IL1RAPL2: variants seen among roughly 807,000 people sequenced by gnomAD.
The protein encoded by IL1RAPL2 is interleukin 1 receptor accessory protein like 2, also known as X-linked interleukin-1 receptor accessory protein-like 2.
Under a neutral mutation model 44.1 loss-of-function variants are expected in IL1RAPL2, and 3 were observed. That is an observed-to-expected ratio of 0.07 (90% CI 0.03 to 0.18). IL1RAPL2 has a LOEUF of 0.18. Ranked by LOEUF, IL1RAPL2 falls within the 10% of genes least tolerant of loss-of-function variation. IL1RAPL2 has a pLI of 1.00. For synonymous variants in IL1RAPL2, 181 were observed against 178.8 expected (o/e 1.01, Z -0.10); for missense variants, 391 against 496.4 (o/e 0.79, Z 2.02).
chrX:104,960,500 G>A (rs1293892169), intron 2 of IL1RAPL2, among the ~76,000 whole-genome samples: 1 of 111,349 alleles, frequency 9.0e-6, no homozygotes, highest in Non-Finnish European at 1.9e-5. Flanking sequence ...TACTTTTTCT[G>A]TGTCATTCTT....
chrX:105,429,315 G>A (rs765341833), intron 5 of IL1RAPL2, among the ~76,000 whole-genome samples: 2 of 111,845 alleles, frequency 1.8e-5, no homozygotes, highest in African/African-American at 3.2e-5. Context: ...GTAGCTCTAG[G>A]AGCATCATGA....
At chrX:104,649,009 A>C (rs778841151) in intron 1 of IL1RAPL2, among the ~76,000 whole-genome samples, 3 of 110,350 alleles carry the variant, frequency 2.7e-5, no homozygotes, top group Non-Finnish European at 3.8e-5. Flanking sequence ...CCTCTTATCT[A>C]TTCCCCTTTT....
chrX:105,723,365 T>C (rs1010483531), intron 7 of IL1RAPL2, among the ~76,000 whole-genome samples: 9 of 111,634 alleles, frequency 8.1e-5, no homozygotes, highest in Admixed American at 3.8e-4. Context: ...AAGTAATCGC[T>C]GAGAAGATTG....
At chrX:104,975,410 A>G (rs2030313489) in intron 2 of IL1RAPL2, among the ~76,000 whole-genome samples, 1 of 112,254 alleles carries the variant, frequency 8.9e-6, no homozygotes, top group Non-Finnish European at 1.9e-5. Flanking sequence ...ATTTGATGAC[A>G]TGCTAAACAA....
chrX:104,616,741 A>G (rs1195494027), intron 1 of IL1RAPL2, among the ~76,000 whole-genome samples: 1 of 111,616 alleles, frequency 9.0e-6, no homozygotes, highest in Non-Finnish European at 1.9e-5. Flanking sequence ...CTGACCAATC[A>G]ATGCTTCTGG....
rs111526428 is a variant in IL1RAPL2 at position 104,913,640 on chromosome X, A to G, written c.82+254645A>G. ...TAATCCTACAAACCCAATTAAAGGTAATGGACACTCTATTTGATGAGGCAG... is the reference window on the plus strand; with the variant it reads ...TAATCCTACAAACCCAATTAAAGGTGATGGACACTCTATTTGATGAGGCAG... On this transcript the variant is annotated intron_variant, in intron 2 of 10. Transcript: ENST00000372582. 3.2e-3 allele frequency among the ~76,000 whole-genome samples: 361 copies of G among 112,097 alleles called. 2 individuals are homozygous for G. Among genetic ancestry groups the G allele is most frequent in the African/African-American group, 0.011 (344 of 30,982 alleles).
intron 3 of IL1RAPL2, among the ~76,000 whole-genome samples, chrX:105,228,667 A>C (rs2034039940): frequency 8.9e-6 from 1 of 112,455 alleles, no homozygotes; most frequent in Admixed American, 9.4e-5. Flanking sequence ...ATTATTCCTT[A>C]GATGTTATGT....
rs1394033595 is a variant in IL1RAPL2, at chrX:104,976,044, C to CT, written c.83-219421dup. On this transcript the variant is annotated intron_variant, in intron 2 of 10. Transcript: ENST00000372582. ...CATAGGGATATCCTCCCATTTTCCTCTTTTTTTTTTATACAGAATAAGTCC... is the reference window on the plus strand; with the variant it reads ...CATAGGGATATCCTCCCATTTTCCTCTTTTTTTTTTTATACAGAATAAGTCC... Among the ~76,000 whole-genome samples the CT allele has an allele frequency of 3.3e-3, 351 of 106,900 alleles. 1 individual carries two copies. The highest frequency in any genetic ancestry group is 0.01 in the African/African-American group (307 of 29,514). 92.8% of individuals were successfully genotyped at this position (106,900 alleles called of 115,157 possible). A position where few individuals can be genotyped will look rare whatever the true frequency, so the allele number is the denominator to read the frequency against.
chrX:104,861,334 C>T (rs757840696), intron 2 of IL1RAPL2, among the ~76,000 whole-genome samples: 89 of 111,661 alleles, frequency 8.0e-4, no homozygotes, highest in African/African-American at 2.7e-3. Flanking sequence ...CAGGCACATG[C>T]GAGCACTGGG....
intron 2 of IL1RAPL2, among the ~76,000 whole-genome samples, chrX:104,721,577 G>A (rs900524119): frequency 1.8e-5 from 2 of 110,489 alleles, no homozygotes; most frequent in Non-Finnish European, 3.8e-5. Flanking sequence ...AAGGGATGCG[G>A]GGTTTAATAC....
intron 2 of IL1RAPL2, among the ~76,000 whole-genome samples, chrX:105,130,052 T>C (rs2033012479): frequency 9.0e-6 from 1 of 111,196 alleles, no homozygotes; most frequent in Non-Finnish European, 1.9e-5. Context: ...TATTTTGTAT[T>C]TGAATCTTCA....
intron 1 of IL1RAPL2, among the ~76,000 whole-genome samples, chrX:104,583,311 G>A (rs191687621): frequency 5.5e-4 from 61 of 111,394 alleles, no homozygotes; most frequent in Admixed American, 1.3e-3. Context: ...TATTCACAGA[G>A]TCATGCAACC....
At chrX:105,307,983 A>T (rs1253220028) in intron 5 of IL1RAPL2, among the ~76,000 whole-genome samples, 1 of 109,892 alleles carries the variant, frequency 9.1e-6, no homozygotes, top group Non-Finnish European at 1.9e-5. Flanking sequence ...TCATTTCAAT[A>T]AGGAATAGTT....
intron 4 of IL1RAPL2, among the ~76,000 whole-genome samples, chrX:105,238,170 G>C (rs782436527): frequency 1.4e-4 from 16 of 112,128 alleles, no homozygotes; most frequent in African/African-American, 4.2e-4. Flanking sequence ...TTTGAACACG[G>C]TTCAAACAGT....
intron 2 of IL1RAPL2, among the ~76,000 whole-genome samples, chrX:105,031,503 A>T (rs1437798976): frequency 1.8e-5 from 2 of 111,832 alleles, no homozygotes; most frequent in Non-Finnish European, 3.8e-5. Context: ...TGAGATAATC[A>T]TGTGGTTTTT....
chrX:105,670,836 C>T (rs1353464174), intron 6 of IL1RAPL2, among the ~76,000 whole-genome samples: 6 of 107,783 alleles, frequency 5.6e-5, no homozygotes, highest in African/African-American at 2.0e-4. Context: ...TTTATTTTTT[C>T]AATGATTGTA....
In IL1RAPL2 at chrX:104,609,658, A is replaced by C. The variant is rs5916811; in HGVS notation, c.-20+42607A>C. Among the ~76,000 whole-genome samples the C allele has an allele frequency of 4.4e-3, 484 of 110,470 alleles. 3 individuals are homozygous for C. Among genetic ancestry groups the C allele is most frequent in the Non-Finnish European group, 6.0e-3 (315 of 52,757 alleles). ...GATCGAATCAGCTTTTGAAGCTTGT[A>C]CATGCTTCACGAAGTTCTCATGCTG... On this transcript the variant is annotated intron_variant, in intron 1 of 10. Coordinates refer to ENST00000372582, the MANE Select transcript of IL1RAPL2 (RefSeq NM_017416.2).
At chrX:105,220,164 A>G (rs782109365) in intron 3 of IL1RAPL2, 10 of 1,211,730 alleles carry the variant, frequency 8.3e-6, no homozygotes, top group Non-Finnish European at 1.1e-5. Flanking sequence ...GCCTGTGGGC[A>G]AAGCGCACTC....
chrX:105,398,904 G>A (rs779182566), intron 5 of IL1RAPL2, among the ~76,000 whole-genome samples: 14 of 111,248 alleles, frequency 1.3e-4, no homozygotes, highest in African/African-American at 3.3e-4. Flanking sequence ...AGAAACCAGC[G>A]GAAACTTAGT....
Sources: gnomAD v4.1 joint callset for allele counts (sites outside exome capture counted in the v4.1 genomes callset) on GRCh38, gnomAD v4.1.1 for gene constraint, MANE v1.5 for transcripts, NCBI Gene and HGNC (gene_info 2026-07-23, HGNC 2026-07-21) for gene names.